The following SLX4IP variants were observed in gnomAD, a reference collection of about 807,000 sequenced individuals.
The protein encoded by SLX4IP is protein SLX4IP.
A neutral mutation model predicts 32.9 loss-of-function variants in SLX4IP; 34 were observed. The ratio of observed to expected loss-of-function variants is 1.03; its 90% CI spans 0.79 to 1.38. SLX4IP has a LOEUF of 1.38. Ranked by LOEUF, SLX4IP falls within the 40% of genes most tolerant of loss-of-function variation. SLX4IP has a pLI of 0.00. For missense variants in SLX4IP, 444 were observed against 479.0 expected, an observed-to-expected ratio of 0.93 and a Z score of 0.68; for synonymous variants, 172 against 171.7, an observed-to-expected ratio of 1.00 and a Z score of -0.01.
intron 2 of SLX4IP, among the ~76,000 whole-genome samples, chr20:10,549,913 A>G (rs78406757): frequency 0.021 from 3,166 of 152,340 alleles, 42 homozygotes; most frequent in Non-Finnish European, 0.034. Flanking sequence ...TGTAAGATAT[A>G]TGCAGTTTGT....
intron 2 of SLX4IP, among the ~76,000 whole-genome samples, chr20:10,510,753 C>T (rs1280383375): frequency 6.6e-6 from 1 of 151,984 alleles, no homozygotes; most frequent in Non-Finnish European, 1.5e-5. Context: ...TACAGGCGCC[C>T]ACCACCATGC....
intron 2 of SLX4IP, among the ~76,000 whole-genome samples, chr20:10,546,855 G>C (rs1187236501): frequency 6.6e-6 from 1 of 152,110 alleles, no homozygotes; most frequent in Non-Finnish European, 1.5e-5. Flanking sequence ...AAATAATCAT[G>C]TCCTGAAAAC....
chr20:10,560,768 G>A lies in SLX4IP; in HGVS notation c.186G>A (p.Gln62=), dbSNP rs146530916. The A allele has an allele frequency of 6.1e-5, 98 of 1,608,318 alleles. No individual in the cohort carries two copies. The African/African-American group carries it at 1.2e-3, about 20-fold the overall frequency. Residue 62 remains glutamine (Q), a synonymous_variant, in exon 4 of 8, where the codon CAG becomes CAA. Coordinates refer to ENST00000334534, the MANE Select transcript of SLX4IP (RefSeq NM_001009608.3). ...RVQEYLEVRK[Q]HRPSNAEFTR... ...AGGAGTACTTGGAAGTTCGCAAACA[G>A]CACAGGCCATCAAATGCAGAATTCA...
intron 4 of SLX4IP, among the ~76,000 whole-genome samples, chr20:10,592,234 C>A (rs1022017283): frequency 1.6e-4 from 25 of 152,158 alleles, no homozygotes; most frequent in African/African-American, 6.0e-4. Flanking sequence ...TTCCACTTAC[C>A]CACCAAATTT....
rs1192532893 is a variant in SLX4IP at position 10,621,339 on chromosome 20, C to A, written c.431C>A (p.Ser144Tyr). 6.2e-7 allele frequency: 1 copy of A among 1,614,170 alleles called. No individual in the cohort carries two copies. The highest frequency in any genetic ancestry group is 2.2e-5 in the East Asian group (1 of 44,886). Reference sequence around the variant, plus strand: ...ACAGAAAGAGTTCTCCATGGAGTGTCTGATTACTTTGCTGAGTGTGCAGAG... The same window carrying A: ...ACAGAAAGAGTTCTCCATGGAGTGTATGATTACTTTGCTGAGTGTGCAGAG... Reference protein sequence around the residue: ...DLTERVLHGVSDYFAECAESS... With the variant: ...DLTERVLHGVYDYFAECAESS... The change falls in exon 7 of 8, where the codon TCT becomes TAT. Residue 144 changes from serine to tyrosine, a missense_variant. Ser to Tyr is a moderately radical substitution (Grantham distance 144). Coordinates refer to ENST00000334534, the MANE Select transcript of SLX4IP (RefSeq NM_001009608.3).
chr20:10,471,772 A>G (rs1269922184), intron 2 of SLX4IP, among the ~76,000 whole-genome samples: 1 of 152,208 alleles, frequency 6.6e-6, no homozygotes, highest in Non-Finnish European at 1.5e-5. Context: ...GCTGGGGTCA[A>G]TCACTCAGAT....
intron 2 of SLX4IP, among the ~76,000 whole-genome samples, chr20:10,474,841 T>C (rs1600908124): frequency 1.3e-5 from 2 of 152,368 alleles, no homozygotes; most frequent in Admixed American, 6.5e-5. Flanking sequence ...CTCTGTATCA[T>C]AGCTTACCTC....
intron 2 of SLX4IP, among the ~76,000 whole-genome samples, chr20:10,486,322 A>G (rs1196994377): frequency 6.8e-6 from 1 of 146,096 alleles, no homozygotes; most frequent in African/African-American, 2.5e-5. Flanking sequence ...GAAGGAGTTC[A>G]GAGATGAAGA....
At chr20:10,610,893 G>T (rs1380748654) in intron 6 of SLX4IP, among the ~76,000 whole-genome samples, 1 of 127,944 alleles carries the variant, frequency 7.8e-6, no homozygotes, top group African/African-American at 2.7e-5. Context: ...TGAAATTTAG[G>T]AAAGAGAGAC....
intron 2 of SLX4IP, among the ~76,000 whole-genome samples, chr20:10,510,567 C>G (rs1192234224): frequency 1.3e-5 from 2 of 151,566 alleles, no homozygotes; most frequent in Non-Finnish European, 2.9e-5. Flanking sequence ...AGGTGCCTTG[C>G]AAATTATTGT....
chr20:10,517,212 C>A (rs1240038378), intron 2 of SLX4IP, among the ~76,000 whole-genome samples: 3 of 152,310 alleles, frequency 2.0e-5, no homozygotes, highest in African/African-American at 7.2e-5. Flanking sequence ...TGTCATCAAA[C>A]CCTCACAGGG....
rs891271487 is a variant in SLX4IP, at chr20:10,608,392, G to A, written c.405+6573G>A. On this transcript the variant is annotated intron_variant, in intron 6 of 7. Transcript: ENST00000334534. ...ATTAAAATGTCATAGAAGGCCAGGC[G>A]CGGTGGCTCATGCCTGTAATCCCAG... Among the ~76,000 whole-genome samples the A allele has an allele frequency of 3.9e-5, 6 of 152,266 alleles. No individual in the cohort carries two copies. In the South Asian group the frequency reaches 8.3e-4, roughly 21 times the overall value.
chr20:10,529,148 A>G (rs2065963952), intron 2 of SLX4IP, among the ~76,000 whole-genome samples: 2 of 152,188 alleles, frequency 1.3e-5, no homozygotes, highest in South Asian at 4.1e-4. Context: ...TACTGCTTTA[A>G]CTTATTTAAA....
intron 2 of SLX4IP, among the ~76,000 whole-genome samples, chr20:10,482,880 A>C (rs1026017660): frequency 2.6e-5 from 4 of 152,304 alleles, no homozygotes; most frequent in Admixed American, 2.6e-4. Flanking sequence ...GTACCTTAAT[A>C]AACCTATTTT....
intron 3 of SLX4IP, among the ~76,000 whole-genome samples, chr20:10,557,933 C>A (rs1033844959): frequency 2.0e-5 from 3 of 152,180 alleles, no homozygotes; most frequent in African/African-American, 7.2e-5. Context: ...ATGACAGGAC[C>A]TGCAGAGCAG....
intron 2 of SLX4IP, among the ~76,000 whole-genome samples, chr20:10,538,960 G>C (rs1238835552): frequency 1.3e-5 from 2 of 152,242 alleles, no homozygotes; most frequent in Non-Finnish European, 2.9e-5. Flanking sequence ...TAAGTTTCCT[G>C]TTGAGGACTA....
At chr20:10,565,333 G>A (rs183498668) in intron 4 of SLX4IP, among the ~76,000 whole-genome samples, 8 of 152,154 alleles carry the variant, frequency 5.3e-5, no homozygotes, top group Admixed American at 2.6e-4. Context: ...ATAGGATCTC[G>A]GGGAGTGCTG....
intron 1 of SLX4IP, among the ~76,000 whole-genome samples, chr20:10,451,248 C>T (rs2065239357): frequency 6.6e-6 from 1 of 151,894 alleles, no homozygotes; most frequent in Non-Finnish European, 1.5e-5. Flanking sequence ...GCAATTTGCG[C>T]CTGCCAGGTT....
chr20:10,459,858 A>G (rs1266403393), intron 2 of SLX4IP, among the ~76,000 whole-genome samples: 1 of 152,230 alleles, frequency 6.6e-6, no homozygotes, highest in East Asian at 1.9e-4. Flanking sequence ...AGATGCTTTC[A>G]TATATGTTGG....
Sources: allele counts gnomAD v4.1 joint callset (sites outside exome capture counted in the v4.1 genomes callset), GRCh38; gene constraint gnomAD v4.1.1; transcripts MANE v1.5; gene names NCBI Gene and HGNC (gene_info 2026-07-23, HGNC 2026-07-21).